The following SLC25A3 variants were observed in gnomAD, a reference collection of about 807,000 sequenced individuals.
SLC25A3 encodes the protein phosphate transport protein.
SLC25A3 carries 14 observed loss-of-function variants against 37.1 expected under a neutral mutation model. The ratio of observed to expected loss-of-function variants is 0.38; its 90% confidence interval spans 0.25 to 0.59. SLC25A3 has a LOEUF of 0.59. Among genes scored for constraint, SLC25A3 ranks in the 20% least tolerant of loss-of-function variants. SLC25A3 has a pLI of 0.67. For missense variants in SLC25A3, 385 were observed against 458.1 expected, an observed-to-expected ratio of 0.84 and a Z score of 1.46; for synonymous variants, 161 against 168.7, an observed-to-expected ratio of 0.95 and a Z score of 0.36.
intron 2 of SLC25A3, chr12:98,595,455 A>T: frequency 6.2e-7 from 1 of 1,613,414 alleles, no homozygotes; most frequent in Non-Finnish European, 8.5e-7. Flanking sequence ...GTGACTATGG[A>T]TCTGGCAGAT....
chr12:98,597,530 G>A (rs1410823542), intron 3 of SLC25A3: 5 of 330,990 alleles, frequency 1.5e-5, no homozygotes, highest in Non-Finnish European at 2.9e-5. Context: ...CGATTGTTCT[G>A]TCTCACCCTC....
rs2097590939 is a variant in SLC25A3 at position 98,594,128 on chromosome 12, C to T, written c.150C>T (p.Ala50=). Residue 50 remains alanine, a synonymous_variant, in exon 2 of 8, where the codon GCC becomes GCT. Coordinates refer to ENST00000552981, the MANE Select transcript of SLC25A3 (RefSeq NM_002635.4). ...PRRPRNLAAA[A]VEEYSCEFGS... Reference sequence around the variant, plus strand: ...GCCCTCGCAACCTGGCAGCCGCCGCCGTGGAAGGTGAGATCAGACCCTGCC... The same window carrying T: ...GCCCTCGCAACCTGGCAGCCGCCGCTGTGGAAGGTGAGATCAGACCCTGCC... The T allele has an allele frequency of 6.2e-7, 1 of 1,610,226 alleles. No individual in the cohort carries two copies. Among genetic ancestry groups the T allele is most frequent in the African/African-American group, 1.3e-5 (1 of 75,006 alleles).
intron 5 of SLC25A3, 65 bp downstream of exon 5, chr12:98,598,768 TG>T (rs1282089659): frequency 4.2e-6 from 6 of 1,433,114 alleles, no homozygotes; most frequent in African/African-American, 1.5e-5. Context: ...CATTTTTTTT[TG>T]TTTTTTTTTT....
chr12:98,596,197 A>G (rs1026231410), intron 3 of SLC25A3, among the ~76,000 whole-genome samples: 1 of 152,248 alleles, frequency 6.6e-6, no homozygotes, highest in African/African-American at 2.4e-5. Context: ...TGAAGTAACA[A>G]TGTCCTTTAT....
rs916754223 is a variant in SLC25A3, at chr12:98,601,669, G to A, written c.*141G>A. Reference sequence around the variant, plus strand: ...TGTAGTACTCTTGCTTAAGGCAAGAGTTTCAGATTTACTGTTGAAATAAAC... The same window carrying A: ...TGTAGTACTCTTGCTTAAGGCAAGAATTTCAGATTTACTGTTGAAATAAAC... On this transcript the variant is annotated 3_prime_UTR_variant, in exon 8 of 8. Transcript: ENST00000552981. 1.5e-6 allele frequency: 1 copy of A among 670,644 alleles called. No individual in the cohort carries two copies. Among genetic ancestry groups the A allele is most frequent in the Non-Finnish European group, 2.7e-6 (1 of 372,818 alleles). 41.5% of individuals were successfully genotyped at this position (670,644 alleles called of 1,614,324 possible).
chr12:98,593,984 C>T lies in SLC25A3; in HGVS notation c.6C>T (p.Phe2=), dbSNP rs778865084. 6.2e-7 allele frequency: 1 copy of T among 1,613,942 alleles called. No homozygotes were observed. The highest frequency in any genetic ancestry group is 8.5e-7 in the Non-Finnish European group (1 of 1,179,894). The part of the protein sequence containing the change: M[F]SSVAHLARAN... ...CTCCCTCCTCCCCTAGAAAGATGTTCTCGTCCGTGGCGCACCTGGCGCGGG... is the reference window on the plus strand; with the variant it reads ...CTCCCTCCTCCCCTAGAAAGATGTTTTCGTCCGTGGCGCACCTGGCGCGGG... Residue 2 remains phenylalanine (F), a synonymous_variant, in exon 2 of 8, where the codon TTC becomes TTT. Transcript: ENST00000552981.
Position 98,598,642 on chromosome 12 carries a change from G to A in SLC25A3, c.580G>A (p.Gly194Ser). ...TAAGGTTCGAATTCAAACCCAGCCA[G>A]GTTATGCCAACACTTTGAGGGATGC... ...AAKVRIQTQPGYANTLRDAAP... is the reference protein window; with the variant it reads ...AAKVRIQTQPSYANTLRDAAP... Residue 194 changes from glycine (G) to serine (S), a missense_variant, in exon 5 of 8, where the codon GGT becomes AGT. By Grantham distance (56) the Gly-to-Ser change is moderately conservative. Around this residue, in one of 2 missense-constraint regions of SLC25A3, gnomAD observed 276 missense variants for 367.6 expected, o/e 0.75. Transcript: ENST00000552981. 6.2e-7 allele frequency: 1 copy of A among 1,614,108 alleles called. No individual in the cohort carries two copies. The highest frequency in any genetic ancestry group is 8.5e-7 in the Non-Finnish European group (1 of 1,180,006).
intron 6 of SLC25A3, 21 bp from the exon 7 acceptor site, chr12:98,601,150 G>C: frequency 6.2e-7 from 1 of 1,610,620 alleles, no homozygotes; most frequent in Non-Finnish European, 8.5e-7. Context: ...GCACTGTATG[G>C]GATCCTTTAT....
At chr12:98,596,257 T>C (rs2153284040) in intron 3 of SLC25A3, among the ~76,000 whole-genome samples, 1 of 152,382 alleles carries the variant, frequency 6.6e-6, no homozygotes, top group South Asian at 2.1e-4. Flanking sequence ...TTTAAAGTGC[T>C]CTTAATATCT....
intron 1 of SLC25A3, 96 bp from the exon 2 acceptor site, chr12:98,593,879 G>A (rs1014080876): frequency 7.2e-6 from 10 of 1,394,086 alleles, no homozygotes; most frequent in Middle Eastern, 2.2e-4. Context: ...AGGGCGTGGA[G>A]ACGGGAAGGA....
chr12:98,598,967 G>A (rs1407495096), intron 5 of SLC25A3, among the ~76,000 whole-genome samples: 4 of 151,696 alleles, frequency 2.6e-5, no homozygotes, highest in Non-Finnish European at 4.4e-5. Flanking sequence ...CAGTATAGAC[G>A]GAGTTTCACC....
rs2097594229 is a variant in SLC25A3, at chr12:98,597,793, A to G, written c.280-63A>G. On this transcript the variant is annotated intron_variant, in intron 3 of 7. Coordinates refer to ENST00000552981, the MANE Select transcript of SLC25A3 (RefSeq NM_002635.4). ...TGGAACCCAAACAAAAATAATCATG[A>G]GATTAAATTTTTATGTTAGCTGTTT... 1.9e-6 allele frequency: 3 copies of G among 1,587,664 alleles called. No homozygotes were observed. In the Admixed American group the frequency reaches 5.3e-5, roughly 28 times the overall value.
chr12:98,593,698 C>T lies in SLC25A3; in HGVS notation c.-47C>T, dbSNP rs2097590338. The T allele has an allele frequency of 1.9e-6, 1 of 535,514 alleles. No homozygotes were observed. 33.2% of individuals were successfully genotyped at this position (535,514 alleles called of 1,614,324 possible). A position where few individuals can be genotyped will look rare whatever the true frequency, so the allele number is the denominator to read the frequency against. On this transcript the variant is annotated 5_prime_UTR_variant, in exon 1 of 8. Transcript: ENST00000552981. ...GAGGACGTCCGGCCTCTGTGAGCCG[C>T]AACCTTTCCAAGGGAGTGGTTGTGT...
chr12:98,594,169 G>A (rs1464184875), intron 2 of SLC25A3, 34 bp downstream of exon 2: 1 of 1,555,182 alleles, frequency 6.4e-7, no homozygotes, highest in African/African-American at 1.4e-5. Flanking sequence ...CAGTCGTGTG[G>A]TCTACTTGTG....
At chr12:98,598,117 A>G in intron 4 of SLC25A3, 82 bp downstream of exon 4, 1 of 1,394,084 alleles carries the variant, frequency 7.2e-7, no homozygotes, top group East Asian at 2.3e-5. Context: ...GTCTTGCCTT[A>G]TTTTAGCACT....
At chr12:98,594,471 A>C in intron 2 of SLC25A3, 2 of 648,260 alleles carry the variant, frequency 3.1e-6, no homozygotes, top group Non-Finnish European at 5.6e-6. Context: ...TCCCGAAACT[A>C]CTGACCACCC....
rs1162690226 is a variant in SLC25A3, at chr12:98,606,251, AGTT to A, written c.*4724_*4726del. ...TTATTTTAAACTTACAGGACTCTGTAGTTCACAGTTGAACACTGTGGCTTCCTG... is the reference window on the plus strand; with the variant it reads ...TTATTTTAAACTTACAGGACTCTGTACACAGTTGAACACTGTGGCTTCCTG... On this transcript the variant is annotated 3_prime_UTR_variant, in exon 8 of 8. Coordinates refer to ENST00000552981, the MANE Select transcript of SLC25A3 (RefSeq NM_002635.4). 5 of 152,256 alleles carry A rather than the reference AGTT, an allele frequency of 3.3e-5. No homozygotes were observed. The highest frequency in any genetic ancestry group is 7.3e-5 in the Non-Finnish European group (5 of 68,050). The allele number at this position is 152,256 out of a possible 1,614,324, so 9.4% of individuals were successfully genotyped here.
At chr12:98,598,484 C>G (rs751840559) in intron 4 of SLC25A3, 38 bp from the exon 5 acceptor site, 1 of 1,611,358 alleles carries the variant, frequency 6.2e-7, no homozygotes, top group Non-Finnish European at 8.5e-7. Context: ...ACCAACACAA[C>G]AGCAATTCAC....
Position 98,605,748 on chromosome 12 carries a change from AG to A in SLC25A3, c.*4222del, listed in dbSNP as rs2097600868. 1.3e-5 allele frequency: 2 copies of A among 152,172 alleles called. No individual in the cohort carries two copies. Among genetic ancestry groups the A allele is most frequent in the Non-Finnish European group, 2.9e-5 (2 of 68,250 alleles). The allele number at this position is 152,172 out of a possible 1,614,324, so 9.4% of individuals were successfully genotyped here. On this transcript the variant is annotated 3_prime_UTR_variant, in exon 8 of 8. Coordinates refer to ENST00000552981, the MANE Select transcript of SLC25A3 (RefSeq NM_002635.4). ...GGCAGGAGAATTGCTTGAACCCGGG[AG>A]GCAGAGGTTGCAGTGAGCCAAGATT...
Sources: allele counts gnomAD v4.1 joint callset (sites outside exome capture counted in the v4.1 genomes callset), GRCh38; gene constraint gnomAD v4.1.1; regional missense constraint gnomAD v4.1.1; transcripts MANE v1.5; gene names NCBI Gene and HGNC (gene_info 2026-07-23, HGNC 2026-07-21).